Variants in DPP10 observed in about 807,000 individuals in gnomAD.
DPP10 encodes inactive dipeptidyl peptidase 10.
A neutral mutation model predicts 120.9 loss-of-function variants in DPP10; 33 were observed. The ratio of observed to expected loss-of-function variants is 0.27; its 90% CI spans 0.21 to 0.37. The LOEUF (loss-of-function observed/expected upper bound fraction) is 0.37, where lower values mean the gene tolerates loss of function less well. DPP10 is among the 10% of genes least tolerant of loss of function. The probability of loss-of-function intolerance (pLI) is 1.00; values close to 1 mark genes in which losing one functional copy is unlikely to be tolerated. For synonymous variants in DPP10, 337 were observed against 326.1 expected, an observed-to-expected ratio of 1.03 and a Z score of -0.36; for missense variants, 816 against 942.8, an observed-to-expected ratio of 0.87 and a Z score of 1.76.
chr2:115,367,067 A>G lies in DPP10; in HGVS notation c.271+23155A>G, dbSNP rs949752366. On this transcript the variant is annotated intron_variant, in intron 3 of 25. Transcript: ENST00000410059. ...TAATAGATATTGTAAGAGAGACACT[A>G]TAGGGAGGAGAGGGTTGGAAAGTAA... Among the ~76,000 whole-genome samples the G allele has an allele frequency of 2.0e-5, 3 of 152,054 alleles. No individual in the cohort carries two copies. The South Asian group carries it at 6.2e-4, about 31-fold the overall frequency.
chr2:115,509,927 G>A (rs2077138552), intron 4 of DPP10, among the ~76,000 whole-genome samples: 1 of 152,058 alleles, frequency 6.6e-6, no homozygotes, highest in Non-Finnish European at 1.5e-5. Context: ...TCTTGCCATG[G>A]CATTTATTTG....
At chr2:115,245,060 G>A (rs1247630719) in intron 1 of DPP10, among the ~76,000 whole-genome samples, 1 of 151,816 alleles carries the variant, frequency 6.6e-6, no homozygotes, top group African/African-American at 2.4e-5. Context: ...TGTTCTCATA[G>A]CTTAGCTCCC....
intron 1 of DPP10, among the ~76,000 whole-genome samples, chr2:114,984,578 G>T (rs945393749): frequency 2.6e-5 from 4 of 152,080 alleles, no homozygotes; most frequent in African/African-American, 9.7e-5. Flanking sequence ...GATGGCTTTA[G>T]GCTAGGAGTT....
chr2:114,894,493 C>T lies in DPP10; in HGVS notation c.61-414746C>T, dbSNP rs187820048. 1.2e-3 allele frequency among the ~76,000 whole-genome samples: 187 copies of T among 152,252 alleles called. 2 individuals are homozygous for T. The highest frequency in any genetic ancestry group is 4.3e-3 in the African/African-American group (180 of 41,546). On this transcript the variant is annotated intron_variant, in intron 1 of 25. Transcript: ENST00000410059. ...CTTAAAAATTTAAGAATTCGCTAAA[C>T]CTCAGTCCACTCTGTTAACAATATT... is the stretch of plus-strand genomic sequence containing the variant.
chr2:115,712,540 T>TATATATATATATATATATATATATA (rs2092353572), intron 7 of DPP10, among the ~76,000 whole-genome samples: 1 of 18,060 alleles, frequency 5.5e-5, no homozygotes, highest in Non-Finnish European at 3.0e-4. Context: ...GAGTCCTGAA[T>TATATATATATATATATATATATATA]TAAATATATA....
At chr2:114,795,923 A>G (rs866240916) in intron 1 of DPP10, among the ~76,000 whole-genome samples, 3 of 152,300 alleles carry the variant, frequency 2.0e-5, no homozygotes, top group African/African-American at 4.8e-5. Context: ...ATGTAAACAA[A>G]CAGGAAGATG....
At chr2:115,717,660 G>A (rs72951909) in intron 7 of DPP10, among the ~76,000 whole-genome samples, 7,952 of 152,156 alleles carry the variant, frequency 0.052, 691 homozygotes, top group African/African-American at 0.18. Context: ...GGAATTTCAG[G>A]ACTGGAAAAT....
At position 115,842,229 on chromosome 2, in the gene DPP10, C is replaced by T; in HGVS notation, c.2275C>T (p.His759Tyr). The change falls in exon 26 of 26, where the codon CAT (histidine) becomes TAT (tyrosine). Residue 759 changes from histidine (H) to tyrosine (Y), a missense_variant. Transcript: ENST00000410059. ...ATCTTAGGTCTACCCAGATGAAGGT[C>T]ATAACGTATCTGAGAAGAGCAAGTA... ...YTMQVYPDEG[H>Y]NVSEKSKYHL... The T allele has an allele frequency of 6.2e-7, 1 of 1,612,890 alleles. No individual in the cohort carries two copies. Among genetic ancestry groups the T allele is most frequent in the South Asian group, 1.1e-5 (1 of 90,960 alleles).
At chr2:114,654,607 C>G (rs1365969666) in intron 1 of DPP10, among the ~76,000 whole-genome samples, 1 of 152,158 alleles carries the variant, frequency 6.6e-6, no homozygotes, top group African/African-American at 2.4e-5. Context: ...AAAAAATCAA[C>G]TAATATTTTA....
chr2:114,733,474 G>A (rs1372978306), intron 1 of DPP10, among the ~76,000 whole-genome samples: 4 of 152,076 alleles, frequency 2.6e-5, no homozygotes, highest in Non-Finnish European at 5.9e-5. Context: ...TGAAAAACAG[G>A]ACCTCTTTAT....
intron 1 of DPP10, among the ~76,000 whole-genome samples, chr2:114,734,235 A>T (rs1295578999): frequency 6.6e-6 from 1 of 152,162 alleles, no homozygotes; most frequent in East Asian, 1.9e-4. Context: ...CAGATCCAAG[A>T]GATAATCAAC....
At chr2:115,391,989 T>G (rs1190412913) in intron 3 of DPP10, among the ~76,000 whole-genome samples, 1 of 152,152 alleles carries the variant, frequency 6.6e-6, no homozygotes, top group Non-Finnish European at 1.5e-5. Context: ...GACTGGGGCC[T>G]GTGTTCTCTC....
intron 21 of DPP10, among the ~76,000 whole-genome samples, chr2:115,817,460 C>A (rs1205374306): frequency 1.3e-5 from 2 of 152,090 alleles, no homozygotes; most frequent in Admixed American, 6.6e-5. Context: ...GTATAAAAAA[C>A]CACTTAAGAA....
chr2:115,053,547 A>C (rs887644163), intron 1 of DPP10, among the ~76,000 whole-genome samples: 2 of 152,196 alleles, frequency 1.3e-5, no homozygotes, highest in African/African-American at 2.4e-5. Context: ...TGTTGTGATA[A>C]TTAGACACCA....
chr2:115,361,859 T>C (rs1169390524), intron 3 of DPP10, among the ~76,000 whole-genome samples: 1 of 152,110 alleles, frequency 6.6e-6, no homozygotes, highest in Non-Finnish European at 1.5e-5. Flanking sequence ...CACTGGATAT[T>C]TTGGTTTCTC....
At chr2:115,064,271 G>A (rs908910752) in intron 1 of DPP10, among the ~76,000 whole-genome samples, 2 of 152,118 alleles carry the variant, frequency 1.3e-5, no homozygotes, top group Non-Finnish European at 2.9e-5. Flanking sequence ...GGAGCCTGTG[G>A]CAAAGGCTGG....
intron 1 of DPP10, among the ~76,000 whole-genome samples, chr2:115,230,953 G>A (rs1366732511): frequency 6.6e-6 from 1 of 151,930 alleles, no homozygotes; most frequent in East Asian, 1.9e-4. Flanking sequence ...ATTTAGTTAA[G>A]TGAGTTAGGG....
chr2:115,510,755 G>A (rs2077181565), intron 4 of DPP10, among the ~76,000 whole-genome samples: 1 of 151,988 alleles, frequency 6.6e-6, no homozygotes, highest in African/African-American at 2.4e-5. Flanking sequence ...ACACTAACAA[G>A]GTTCTGATCT....
intron 9 of DPP10, among the ~76,000 whole-genome samples, chr2:115,742,554 A>C (rs1439835151): frequency 6.6e-6 from 1 of 152,132 alleles, no homozygotes; most frequent in Non-Finnish European, 1.5e-5. Context: ...CTGCTCACCT[A>C]CCCAGGTACT....
Sources: gnomAD v4.1 joint callset for allele counts (sites outside exome capture counted in the v4.1 genomes callset) on GRCh38, gnomAD v4.1.1 for gene constraint, MANE v1.5 for transcripts, NCBI Gene and HGNC (gene_info 2026-07-23, HGNC 2026-07-21) for gene names.